LRRTM4: variants seen among roughly 807,000 people sequenced by gnomAD.
LRRTM4 encodes leucine rich repeat transmembrane neuronal 4.
In LRRTM4, 25 loss-of-function variants were observed where a neutral mutation model predicts 47.6. That is an observed-to-expected ratio of 0.53 (90% CI 0.38 to 0.73). The LOEUF (loss-of-function observed/expected upper bound fraction) is 0.73. LRRTM4 is among the 30% of genes least tolerant of loss of function. The probability of loss-of-function intolerance (pLI) is 0.00; values close to 1 mark genes in which losing one functional copy is unlikely to be tolerated. For synonymous variants in LRRTM4, 311 were observed against 269.5 expected (o/e 1.15, Z -1.51); for missense variants, 638 against 713.4 (o/e 0.89, Z 1.20).
chr2:77,255,863 G>A (rs910961300), intron 3 of LRRTM4, among the ~76,000 whole-genome samples: 2 of 151,672 alleles, frequency 1.3e-5, no homozygotes, highest in Admixed American at 1.3e-4. Flanking sequence ...TAAGGAACTA[G>A]AAAAAGAAAA....
chr2:76,885,294 A>G (rs1673038324), intron 3 of LRRTM4, among the ~76,000 whole-genome samples: 1 of 151,972 alleles, frequency 6.6e-6, no homozygotes, highest in Non-Finnish European at 1.5e-5. Context: ...TTCTTTTTAG[A>G]GACATTAGAC....
intron 3 of LRRTM4, among the ~76,000 whole-genome samples, chr2:76,757,160 C>T (rs866780850): frequency 8.6e-5 from 13 of 152,034 alleles, no homozygotes; most frequent in African/African-American, 3.1e-4. Flanking sequence ...GTACAATACT[C>T]AACACACTAG....
intron 3 of LRRTM4, among the ~76,000 whole-genome samples, chr2:77,511,190 C>T (rs1055329601): frequency 2.6e-5 from 4 of 151,944 alleles, no homozygotes; most frequent in African/African-American, 9.7e-5. Flanking sequence ...CATTAAATTC[C>T]TTTTCATGTA....
intron 3 of LRRTM4, among the ~76,000 whole-genome samples, chr2:77,492,799 A>G (rs1425992654): frequency 3.9e-5 from 6 of 152,136 alleles, no homozygotes; most frequent in Admixed American, 3.9e-4. Context: ...CAAACATTAT[A>G]CAATGTGAAT....
At chr2:77,277,009 A>G (rs919983040) in intron 3 of LRRTM4, among the ~76,000 whole-genome samples, 12 of 151,752 alleles carry the variant, frequency 7.9e-5, no homozygotes, top group Non-Finnish European at 1.2e-4. Context: ...CTCTATCAGT[A>G]TTCTGTGCTC....
chr2:76,807,137 A>G (rs1010489107), intron 3 of LRRTM4, among the ~76,000 whole-genome samples: 3 of 151,942 alleles, frequency 2.0e-5, no homozygotes, highest in African/African-American at 7.2e-5. Context: ...TAAATACCCT[A>G]CTTAGTCATT....
At chr2:77,086,105 T>G (rs1234237137) in intron 3 of LRRTM4, among the ~76,000 whole-genome samples, 1 of 152,240 alleles carries the variant, frequency 6.6e-6, no homozygotes, top group African/African-American at 2.4e-5. Flanking sequence ...GAAGCCGGAC[T>G]GTAAAAAACC....
chr2:76,780,742 G>A (rs1182833354), intron 3 of LRRTM4, among the ~76,000 whole-genome samples: 3 of 152,132 alleles, frequency 2.0e-5, no homozygotes, highest in Admixed American at 1.3e-4. Flanking sequence ...ATTGTCTGAA[G>A]TCTTCTTCTC....
At chr2:76,917,015 G>A (rs915254311) in intron 3 of LRRTM4, among the ~76,000 whole-genome samples, 1 of 152,166 alleles carries the variant, frequency 6.6e-6, no homozygotes, top group African/African-American at 2.4e-5. Flanking sequence ...TTTCGGGGAG[G>A]ATGTGCCATT....
chr2:76,792,632 T>C (rs961687100), intron 3 of LRRTM4, among the ~76,000 whole-genome samples: 3 of 152,134 alleles, frequency 2.0e-5, no homozygotes, highest in African/African-American at 2.4e-5. Flanking sequence ...TGGGTAGTAA[T>C]GTTGCTCCTG....
intron 3 of LRRTM4, among the ~76,000 whole-genome samples, chr2:76,781,548 T>G (rs1674391358): frequency 6.6e-6 from 1 of 152,200 alleles, no homozygotes; most frequent in Admixed American, 6.5e-5. Flanking sequence ...TTTCTTTGAC[T>G]CAGAAAGGGA....
At chr2:77,472,244 T>G (rs1260424382) in intron 3 of LRRTM4, among the ~76,000 whole-genome samples, 1 of 152,148 alleles carries the variant, frequency 6.6e-6, no homozygotes, top group African/African-American at 2.4e-5. Flanking sequence ...AATATGTGTG[T>G]TAGGTGATCT....
At chr2:77,306,108 A>T (rs1385277132) in intron 3 of LRRTM4, among the ~76,000 whole-genome samples, 1 of 152,174 alleles carries the variant, frequency 6.6e-6, no homozygotes, top group Non-Finnish European at 1.5e-5. Flanking sequence ...GGGTATACAT[A>T]ATTAGGTTCA....
chr2:77,178,550 C>A (rs1267249037), intron 3 of LRRTM4, among the ~76,000 whole-genome samples: 1 of 152,134 alleles, frequency 6.6e-6, no homozygotes, highest in Admixed American at 6.5e-5. Context: ...CGCGCCACTG[C>A]ACTCCAGCCT....
intron 3 of LRRTM4, among the ~76,000 whole-genome samples, chr2:76,786,143 G>C (rs1674658082): frequency 6.6e-6 from 1 of 151,860 alleles, no homozygotes; most frequent in Non-Finnish European, 1.5e-5. Context: ...ATAATTGATA[G>C]GAAAAGAAGT....
Position 77,518,634 on chromosome 2 carries a change from C to T in LRRTM4, c.1235G>A (p.Gly412Asp), listed in dbSNP as rs1395161369. Residue 412 changes from glycine to aspartate, a missense_variant, in exon 3 of 4, where the codon GGC (glycine) becomes GAC (aspartate). Coordinates refer to ENST00000409884, the MANE Select transcript of LRRTM4 (RefSeq NM_001134745.3). ...AACATGCTCATACTCTTGCTCTGCG[C>T]CAGGAATCTGAAACCCTGGGGAAGG... ...PSPSPGFQIP[G>D]AEQEYEHVSF... 5 of 1,613,228 alleles carry T rather than the reference C, an allele frequency of 3.1e-6. No individual in the cohort carries two copies. Among genetic ancestry groups the T allele is most frequent in the Non-Finnish European group, 4.2e-6 (5 of 1,179,624 alleles).
chr2:76,954,464 T>G (rs1388914953), intron 3 of LRRTM4, among the ~76,000 whole-genome samples: 1 of 151,266 alleles, frequency 6.6e-6, no homozygotes, highest in Admixed American at 6.6e-5. Context: ...ATCAACAGAC[T>G]TGAAGATAGG....
At chr2:77,518,231 T>C in intron 3 of LRRTM4, 87 bp downstream of exon 3, 2 of 1,410,434 alleles carry the variant, frequency 1.4e-6, no homozygotes, top group Non-Finnish European at 1.8e-6. Context: ...TTAATCTTTC[T>C]AGTGATTAGA....
chr2:77,075,138 T>A (rs1680290090), intron 3 of LRRTM4, among the ~76,000 whole-genome samples: 1 of 152,212 alleles, frequency 6.6e-6, no homozygotes, highest in South Asian at 2.1e-4. Flanking sequence ...TGTGAGCTGT[T>A]TCTGCTAATA....
Sources: gnomAD v4.1 joint callset for allele counts (sites outside exome capture counted in the v4.1 genomes callset) on GRCh38, gnomAD v4.1.1 for gene constraint, MANE v1.5 for transcripts, NCBI Gene and HGNC (gene_info 2026-07-23, HGNC 2026-07-21) for gene names.